GTF3C1: variants seen among roughly 807,000 people sequenced by gnomAD.
The protein encoded by GTF3C1 is general transcription factor 3C polypeptide 1.
A neutral mutation model predicts 226.7 loss-of-function variants in GTF3C1; 57 were observed. That is an observed-to-expected ratio of 0.25 (90% CI 0.20 to 0.31). The LOEUF (loss-of-function observed/expected upper bound fraction) is 0.31, where lower values mean the gene tolerates loss of function less well. Among genes scored for constraint, GTF3C1 ranks in the 10% least tolerant of loss-of-function variants. GTF3C1 has a pLI of 1.00. For missense variants in GTF3C1, 2,217 were observed against 2,776.1 expected (o/e 0.80, Z 4.53); for synonymous variants, 1,090 against 1,084.8 (o/e 1.00, Z -0.09).
At position 27,462,360 on chromosome 16, in the gene GTF3C1, G is replaced by A. The variant is rs757176275; in HGVS notation, c.6051C>T (p.Pro2017=). ...LYHIMTRPGI[P]ESSLLRHYQG... ...GGTAGTGGCGCAGCAGGGAGCTCTC[G>A]GGGATGCCAGGCCTGGTCATGATGT... The change falls in exon 36 of 37, where the codon CCC becomes CCT. Residue 2017 remains proline, a synonymous_variant. Transcript: ENST00000356183. The surrounding 1 kb of genome is among the most constrained non-coding windows in gnomAD (Gnocchi z 4.5). 14 of 1,588,952 alleles carry A rather than the reference G, an allele frequency of 8.8e-6. No homozygotes were observed. The African/African-American group carries it at 9.4e-5, about 11-fold the overall frequency.
chr16:27,529,879 T>C (rs1461398725), intron 5 of GTF3C1, among the ~76,000 whole-genome samples: 1 of 152,232 alleles, frequency 6.6e-6, no homozygotes. Flanking sequence ...TTATCACCAT[T>C]TTTGTGCTGG....
At chr16:27,535,725 C>T (rs902009858) in intron 4 of GTF3C1, among the ~76,000 whole-genome samples, 3 of 152,058 alleles carry the variant, frequency 2.0e-5, no homozygotes, top group African/African-American at 7.2e-5. Context: ...CCCTGTCTCT[C>T]CTCAAAACAC....
Position 27,538,175 on chromosome 16 carries a change from C to T in GTF3C1, c.608+5G>A, listed in dbSNP as rs765745511. The T allele has an allele frequency of 3.8e-5, 58 of 1,540,010 alleles. No individual in the cohort carries two copies. The Admixed American group carries it at 1.2e-3, about 31-fold the overall frequency. On this transcript the variant is annotated splice_donor_5th_base_variant and intron_variant, in intron 3 of 36. Transcript: ENST00000356183. The stretch of plus-strand genomic sequence containing the variant: ...TAAAGCAGAGAAGCAAATCCCCCCA[C>T]TTACTTGAAAGCAGTGGTGTGAAGG...
rs2088260001 is a variant in GTF3C1, at chr16:27,493,261, C to G, written c.2814G>C (p.Leu938=). Residue 938 remains leucine (L), a synonymous_variant, in exon 17 of 37, where the codon CTG becomes CTC. Transcript: ENST00000356183. ...GAAAGCGGATCAGCGTGTGCTTCTT[C>G]AGCGGGTCGTTCAGAAATTCCTCCA... is the stretch of plus-strand genomic sequence containing the variant. ...DNLEEFLNDP[L]KKHTLIRFLP... The G allele has an allele frequency of 6.2e-7, 1 of 1,611,632 alleles. No individual in the cohort carries two copies. The highest frequency in any genetic ancestry group is 1.1e-5 in the South Asian group (1 of 91,028).
At position 27,481,118 on chromosome 16, in the gene GTF3C1, T is replaced by C. The variant is rs1314289761; in HGVS notation, c.4157A>G (p.Asn1386Ser). ...CTGGAGTGTGTCTGGGATTTCAAGGTTAGAATTCCTTAGGGCTGAACTGAA... is the reference window on the plus strand; with the variant it reads ...CTGGAGTGTGTCTGGGATTTCAAGGCTAGAATTCCTTAGGGCTGAACTGAA... ...EKFSSALRNS[N>S]LEIPDTLQEL... Residue 1386 changes from asparagine to serine, a missense_variant, in exon 27 of 37, where the codon AAC becomes AGC. By Grantham distance (46) the Asn-to-Ser change is conservative. This residue lies in a region of GTF3C1 where 546 missense variants were observed against 663.0 expected (regional missense o/e 0.82). Transcript: ENST00000356183. 6.2e-7 allele frequency: 1 copy of C among 1,614,224 alleles called. No homozygotes were observed. Among genetic ancestry groups the C allele is most frequent in the African/African-American group, 1.3e-5 (1 of 75,062 alleles).
intron 32 of GTF3C1, chr16:27,466,033 C>T: frequency 6.0e-6 from 1 of 165,804 alleles, no homozygotes; most frequent in East Asian, 1.6e-4. Context: ...TATGTCTCTG[C>T]TAAAGCCATA....
At position 27,465,406 on chromosome 16, in the gene GTF3C1, C is replaced by T. The variant is rs374729096; in HGVS notation, c.5209G>A (p.Glu1737Lys). 13 of 1,613,970 alleles carry T rather than the reference C, an allele frequency of 8.1e-6. No homozygotes were observed. In the East Asian group the frequency reaches 1.3e-4, roughly 17 times the overall value. Reference sequence around the variant, plus strand: ...ATCTCCAAGGCAGCAGTCAGGTCTTCGGGACTATACCCAGACAGCTCCAGC... The same window carrying T: ...ATCTCCAAGGCAGCAGTCAGGTCTTTGGGACTATACCCAGACAGCTCCAGC... ...LQLELSGYSP[E>K]DLTAALEILE... The change falls in exon 33 of 37, where the codon GAA (glutamate) becomes AAA (lysine). Residue 1737 changes from glutamate (E) to lysine (K), a missense_variant. By Grantham distance (56) the Glu-to-Lys change is moderately conservative. Transcript: ENST00000356183.
At chr16:27,538,128 C>A in intron 3 of GTF3C1, 52 bp downstream of exon 3, 3 of 1,339,192 alleles carry the variant, frequency 2.2e-6, no homozygotes, top group South Asian at 2.8e-5. Context: ...ATTTGGGATT[C>A]AGGGTGCAAT....
intron 1 of GTF3C1, among the ~76,000 whole-genome samples, chr16:27,549,095 T>C (rs900696477): frequency 6.6e-6 from 1 of 151,872 alleles, no homozygotes; most frequent in East Asian, 1.9e-4. Context: ...CGGACGGAGG[T>C]TGCAGTGAGC....
chr16:27,499,444 C>G (rs1334939573), intron 12 of GTF3C1, among the ~76,000 whole-genome samples: 1 of 152,190 alleles, frequency 6.6e-6, no homozygotes, highest in Non-Finnish European at 1.5e-5. Flanking sequence ...CCCAGGGAGC[C>G]AGGCTTCTTG....
chr16:27,533,101 CAGCCA>C (rs1245474098), intron 5 of GTF3C1, among the ~76,000 whole-genome samples, 185 bp downstream of exon 5: 10 of 152,182 alleles, frequency 6.6e-5, no homozygotes, highest in Non-Finnish European at 1.0e-4. Context: ...CACCGCACCC[CAGCCA>C]GGGCAACAGA....
At position 27,461,646 on chromosome 16, in the gene GTF3C1, C is replaced by T. The variant is rs2141334897; in HGVS notation, c.6118-84G>A. ...TTCTTCAAGCATTTATGGAATGCCCCCTCTGTACCAGGGAGCCACTTCCCA... is the reference window on the plus strand; with the variant it reads ...TTCTTCAAGCATTTATGGAATGCCCTCTCTGTACCAGGGAGCCACTTCCCA... On this transcript the variant is annotated intron_variant, in intron 36 of 36. Coordinates refer to ENST00000356183, the MANE Select transcript of GTF3C1 (RefSeq NM_001520.4). This position sits in a 1 kb window ranked among gnomAD's most constrained non-coding sequence, Gnocchi z 5.3. 4 of 1,063,030 alleles carry T rather than the reference C, an allele frequency of 3.8e-6. No homozygotes were observed. The highest frequency in any genetic ancestry group is 5.6e-6 in the Non-Finnish European group (4 of 709,804). The allele number at this position is 1,063,030 out of a possible 1,614,324, so 65.8% of individuals were successfully genotyped here.
chr16:27,478,992 C>A (rs1460294029), intron 27 of GTF3C1, among the ~76,000 whole-genome samples: 1 of 152,034 alleles, frequency 6.6e-6, no homozygotes, highest in Non-Finnish European at 1.5e-5. Flanking sequence ...AGATGTTGAG[C>A]AAAGGGTATA....
intron 7 of GTF3C1, among the ~76,000 whole-genome samples, chr16:27,510,201 C>G (rs547513629): frequency 6.6e-6 from 1 of 152,080 alleles, no homozygotes; most frequent in African/African-American, 2.4e-5. Flanking sequence ...CTGGCTAACA[C>G]GGTGAAACCC....
At position 27,511,759 on chromosome 16, in the gene GTF3C1, G is replaced by A. The variant is rs1361346698; in HGVS notation, c.1116C>T (p.Thr372=). Residue 372 remains threonine (T), a synonymous_variant, in exon 7 of 37, where the codon ACC becomes ACT. Coordinates refer to ENST00000356183, the MANE Select transcript of GTF3C1 (RefSeq NM_001520.4). The part of the protein sequence containing the change: ...IVFERDMLTQ[T]YDLIERRGTK... ...GGGAACAAGACTTACTGAGGTCGTAGGTCTGTGTGAGCATATCCCGCTCGA... is the reference window on the plus strand; with the variant it reads ...GGGAACAAGACTTACTGAGGTCGTAAGTCTGTGTGAGCATATCCCGCTCGA... The A allele has an allele frequency of 6.2e-7, 1 of 1,614,156 alleles. No homozygotes were observed. Among genetic ancestry groups the A allele is most frequent in the East Asian group, 2.2e-5 (1 of 44,872 alleles).
Position 27,462,180 on chromosome 16 carries a change from G to A in GTF3C1, c.6117+114C>T, listed in dbSNP as rs1040648082. 7.1e-6 allele frequency: 5 copies of A among 704,488 alleles called. No homozygotes were observed. Among genetic ancestry groups the A allele is most frequent in the African/African-American group, 3.5e-5 (2 of 56,416 alleles). 43.6% of individuals were successfully genotyped at this position (704,488 alleles called of 1,614,324 possible). The stretch of plus-strand genomic sequence containing the variant: ...CCCAGGACAAGCTGGGGGAGGAGGT[G>A]CAGGCAAGCAGTATGGTGGTACTGC... On this transcript the variant is annotated intron_variant, in intron 36 of 36. Coordinates refer to ENST00000356183, the MANE Select transcript of GTF3C1 (RefSeq NM_001520.4). This position sits in a 1 kb window ranked among gnomAD's most constrained non-coding sequence, Gnocchi z 4.5.
At chr16:27,485,344 C>T (rs2088122627) in intron 24 of GTF3C1, among the ~76,000 whole-genome samples, 1 of 152,204 alleles carries the variant, frequency 6.6e-6, no homozygotes, top group African/African-American at 2.4e-5. Flanking sequence ...TCCTGGAAGG[C>T]AAATAAGAGG....
intron 23 of GTF3C1, among the ~76,000 whole-genome samples, chr16:27,487,662 G>A (rs1046095349): frequency 4.6e-5 from 7 of 152,126 alleles, no homozygotes; most frequent in East Asian, 1.9e-4. Context: ...GTGTGGTGGC[G>A]CACGCCTGTA....
At chr16:27,530,934 G>T (rs909649757) in intron 5 of GTF3C1, among the ~76,000 whole-genome samples, 2 of 152,142 alleles carry the variant, frequency 1.3e-5, no homozygotes, top group African/African-American at 4.8e-5. Flanking sequence ...CCCAGTGCAG[G>T]CACTCACCAC....
Sources: allele counts gnomAD v4.1 joint callset (sites outside exome capture counted in the v4.1 genomes callset), GRCh38; gene constraint gnomAD v4.1.1; regional missense constraint gnomAD v4.1.1; non-coding constraint Gnocchi (gnomAD v3.1); transcripts MANE v1.5; gene names NCBI Gene and HGNC (gene_info 2026-07-23, HGNC 2026-07-21).